FTO: variants seen among roughly 807,000 people sequenced by gnomAD.
The protein encoded by FTO is alpha-ketoglutarate-dependent dioxygenase FTO.
In FTO, 47 loss-of-function variants were observed where a neutral mutation model predicts 63.9. The observed-to-expected ratio is 0.74, with a 90% confidence interval of 0.58 to 0.94. The LOEUF (loss-of-function observed/expected upper bound fraction) is 0.94, where lower values mean the gene tolerates loss of function less well. FTO is among the 40% of genes least tolerant of loss of function. The probability of loss-of-function intolerance (pLI) is 0.00; values close to 1 mark genes in which losing one functional copy is unlikely to be tolerated. For missense variants in FTO, 562 were observed against 618.1 expected (o/e 0.91, Z 0.96); for synonymous variants, 207 against 224.4 (o/e 0.92, Z 0.69).
intron 8 of FTO, among the ~76,000 whole-genome samples, chr16:54,066,579 C>T (rs978461010): frequency 6.6e-6 from 1 of 152,198 alleles, no homozygotes; most frequent in Admixed American, 6.5e-5. Flanking sequence ...TAGCAGTGTG[C>T]CCTACACCCA....
At chr16:54,070,980 T>C (rs1402187807) in intron 8 of FTO, 1 of 152,242 alleles carries the variant, frequency 6.6e-6, no homozygotes, top group Non-Finnish European at 1.5e-5. Context: ...AAGAGAGAGA[T>C]AGACCTGCAG....
At chr16:53,733,228 C>T (rs1343810717) in intron 1 of FTO, among the ~76,000 whole-genome samples, 2 of 152,100 alleles carry the variant, frequency 1.3e-5, no homozygotes, top group Non-Finnish European at 2.9e-5. Flanking sequence ...GGCGAAACCC[C>T]TGTCTCTACT....
chr16:53,999,366 G>A (rs1167297880), intron 8 of FTO, among the ~76,000 whole-genome samples: 1 of 152,176 alleles, frequency 6.6e-6, no homozygotes, highest in Admixed American at 6.5e-5. Flanking sequence ...GAGGAACGGG[G>A]AAGACTTTCC....
chr16:53,896,045 GA>G (rs368593719), intron 7 of FTO, among the ~76,000 whole-genome samples: 18 of 151,716 alleles, frequency 1.2e-4, no homozygotes, highest in African/African-American at 4.1e-4. Flanking sequence ...TATATGTAAA[GA>G]AAAAAAAGAT....
Position 54,111,747 on chromosome 16 carries a change from T to A in FTO, c.1365-15T>A. The stretch of plus-strand genomic sequence containing the variant: ...TTTCCTCCCGTGGATTAATTTCCTA[T>A]TTTTACTCTTCCAGGTGCCAGTCAC... On this transcript the variant is annotated splice_polypyrimidine_tract_variant and intron_variant, in intron 8 of 8. Coordinates refer to ENST00000471389, the MANE Select transcript of FTO (RefSeq NM_001080432.3). 1 of 1,614,110 alleles carries A rather than the reference T, an allele frequency of 6.2e-7. No individual in the cohort carries two copies. The highest frequency in any genetic ancestry group is 8.5e-7 in the Non-Finnish European group (1 of 1,179,970).
chr16:53,762,980 C>T (rs547349336), intron 1 of FTO, among the ~76,000 whole-genome samples: 5 of 100,746 alleles, frequency 5.0e-5, no homozygotes, highest in African/African-American at 1.9e-4. Flanking sequence ...TGAATATAGC[C>T]TGATACGATC....
intron 8 of FTO, among the ~76,000 whole-genome samples, chr16:54,087,646 T>G (rs1474477490): frequency 6.6e-6 from 1 of 152,048 alleles, no homozygotes. Flanking sequence ...CTACAAAAAA[T>G]TTAAAAATTA....
chr16:53,782,193 T>C lies in FTO; in HGVS notation c.46-27947T>C, dbSNP rs545154230. On this transcript the variant is annotated intron_variant, in intron 1 of 8. Transcript: ENST00000471389. ...AGGAAGAGCTTGTGTTTTTGTTTTG[T>C]TTTGGCTTTCTGCAGTCTCTTAATA... 9.8e-5 allele frequency among the ~76,000 whole-genome samples: 15 copies of C among 152,356 alleles called. No homozygotes were observed. The South Asian group carries it at 3.1e-3, about 32-fold the overall frequency.
In FTO at chr16:54,094,876, G is replaced by A. The variant is rs549420526; in HGVS notation, c.1365-16886G>A. 7.2e-5 allele frequency among the ~76,000 whole-genome samples: 11 copies of A among 152,228 alleles called. No individual in the cohort carries two copies. In the South Asian group the frequency reaches 2.1e-3, roughly 29 times the overall value. The stretch of plus-strand genomic sequence containing the variant: ...ATCTAGAGGCTTTCTGCGGAGCACC[G>A]TGACATAGATCATATCATCCTCCTG... On this transcript the variant is annotated intron_variant, in intron 8 of 8. Coordinates refer to ENST00000471389, the MANE Select transcript of FTO (RefSeq NM_001080432.3).
At chr16:53,884,930 T>C (rs1337736219) in intron 6 of FTO, among the ~76,000 whole-genome samples, 1 of 152,234 alleles carries the variant, frequency 6.6e-6, no homozygotes. Flanking sequence ...GGAATGTTCC[T>C]TGGCCCCAAG....
chr16:53,939,161 A>T (rs1370562442), intron 8 of FTO, among the ~76,000 whole-genome samples: 1 of 152,202 alleles, frequency 6.6e-6, no homozygotes. Context: ...CCAGACAATA[A>T]TTATGTTAAA....
chr16:53,760,669 C>T (rs2077045822), intron 1 of FTO, among the ~76,000 whole-genome samples: 1 of 148,852 alleles, frequency 6.7e-6, no homozygotes, highest in African/African-American at 2.5e-5. Context: ...CTCTGTTGCC[C>T]AGACTGGAGT....
intron 4 of FTO, among the ~76,000 whole-genome samples, chr16:53,873,191 G>T (rs1017096193): frequency 6.6e-6 from 1 of 151,748 alleles, no homozygotes; most frequent in Non-Finnish European, 1.5e-5. Context: ...TCCAAATTCT[G>T]GTTTATTCTA....
chr16:54,058,895 TAGG>T (rs2085505587), intron 8 of FTO, among the ~76,000 whole-genome samples: 1 of 152,224 alleles, frequency 6.6e-6, no homozygotes, highest in Admixed American at 6.5e-5. Flanking sequence ...TTGTTTTAAA[TAGG>T]AGAACTTGTG....
intron 3 of FTO, among the ~76,000 whole-genome samples, chr16:53,829,924 T>G (rs1474137426): frequency 1.3e-5 from 2 of 150,996 alleles, no homozygotes; most frequent in Non-Finnish European, 2.9e-5. Context: ...GAGCAGGGAT[T>G]TAAGTTGGAA....
chr16:53,979,339 T>C (rs1200831570), intron 8 of FTO: 1 of 398,308 alleles, frequency 2.5e-6, no homozygotes, highest in Non-Finnish European at 4.4e-6. Context: ...GGAATGGATG[T>C]TTGAATAAAA....
chr16:53,913,607 G>T (rs138492935), intron 7 of FTO, among the ~76,000 whole-genome samples: 3 of 152,062 alleles, frequency 2.0e-5, no homozygotes, highest in Non-Finnish European at 2.9e-5. Context: ...GTTTCACCTC[G>T]CTATGACTTC....
At chr16:53,810,998 T>C (rs2078505514) in intron 2 of FTO, among the ~76,000 whole-genome samples, 1 of 152,164 alleles carries the variant, frequency 6.6e-6, no homozygotes, top group Non-Finnish European at 1.5e-5. Context: ...CATCAAATTA[T>C]CCAGGAAGTA....
At chr16:54,020,769 C>G (rs559260697) in intron 8 of FTO, among the ~76,000 whole-genome samples, 1 of 151,458 alleles carries the variant, frequency 6.6e-6, no homozygotes, top group East Asian at 1.9e-4. Flanking sequence ...GTCAGGAGTT[C>G]GAGTCCAGCC....
Sources: allele counts gnomAD v4.1 joint callset (sites outside exome capture counted in the v4.1 genomes callset), GRCh38; gene constraint gnomAD v4.1.1; transcripts MANE v1.5; gene names NCBI Gene and HGNC (gene_info 2026-07-23, HGNC 2026-07-21).